The following KCNQ3 variants were observed in gnomAD, a reference collection of about 807,000 sequenced individuals.
KCNQ3 encodes the protein potassium voltage-gated channel subfamily KQT member 3.
In KCNQ3, 30 loss-of-function variants were observed where a neutral mutation model predicts 92.5. The ratio of observed to expected loss-of-function variants is 0.32; its 90% CI spans 0.24 to 0.44. The LOEUF is 0.44. Among genes scored for constraint, KCNQ3 ranks in the 20% least tolerant of loss-of-function variants. The pLI is 1.00. For missense variants in KCNQ3, 913 were observed against 1,140.3 expected, an observed-to-expected ratio of 0.80 and a Z score of 2.87; for synonymous variants, 450 against 468.8, an observed-to-expected ratio of 0.96 and a Z score of 0.52.
intron 1 of KCNQ3, among the ~76,000 whole-genome samples, chr8:132,198,333 C>T (rs1827363830): frequency 6.6e-6 from 1 of 152,174 alleles, no homozygotes; most frequent in Admixed American, 6.5e-5. Flanking sequence ...GATTGGACTC[C>T]TGATCCACAG....
intron 1 of KCNQ3, among the ~76,000 whole-genome samples, chr8:132,338,473 G>A (rs368159700): frequency 3.9e-5 from 6 of 152,182 alleles, no homozygotes; most frequent in African/African-American, 1.4e-4. Flanking sequence ...GAGGGTCACA[G>A]GATAAGTAAT....
In KCNQ3 at chr8:132,153,734, GCC is replaced by G. The variant is rs35446698; in HGVS notation, c.1262+9732_1262+9733del. Among the ~76,000 whole-genome samples, 34 of 150,722 alleles carry G rather than the reference GCC, an allele frequency of 2.3e-4. 1 individual carries two copies. The South Asian group carries it at 4.0e-3, about 18-fold the overall frequency. On this transcript the variant is annotated intron_variant, in intron 9 of 14. Coordinates refer to ENST00000388996, the MANE Select transcript of KCNQ3 (RefSeq NM_004519.4). ...AATAGTGGATACTCCTACCCCGCAAGCCCCCCCCCCATTAACATGGGTGAAAG... is the reference window on the plus strand; with the variant it reads ...AATAGTGGATACTCCTACCCCGCAAGCCCCCCCCATTAACATGGGTGAAAG...
At chr8:132,303,631 T>TAC (rs1817309100) in intron 1 of KCNQ3, among the ~76,000 whole-genome samples, 1 of 40,602 alleles carries the variant, frequency 2.5e-5, no homozygotes, top group Non-Finnish European at 3.9e-5. Context: ...TATATATATA[T>TAC]GGTGTATATA....
intron 1 of KCNQ3, among the ~76,000 whole-genome samples, chr8:132,456,439 C>T (rs1469358403): frequency 6.7e-6 from 1 of 148,218 alleles, no homozygotes; most frequent in Non-Finnish European, 1.5e-5. Context: ...ATTAATGTTC[C>T]AAACACCAGG....
intron 1 of KCNQ3, chr8:132,321,591 T>C (rs1817893819): frequency 6.6e-6 from 1 of 152,344 alleles, no homozygotes; most frequent in African/African-American, 2.4e-5. Context: ...GGTCATTTCC[T>C]GGTTGGCTCT....
chr8:132,251,839 G>T (rs1345236638), intron 1 of KCNQ3, among the ~76,000 whole-genome samples: 2 of 152,236 alleles, frequency 1.3e-5, no homozygotes, highest in Non-Finnish European at 2.9e-5. Context: ...CCCTCTCGGA[G>T]AATTTTATTT....
chr8:132,298,919 A>G (rs1482149271), intron 1 of KCNQ3, among the ~76,000 whole-genome samples: 1 of 152,136 alleles, frequency 6.6e-6, no homozygotes, highest in Non-Finnish European at 1.5e-5. Flanking sequence ...AGAAACAAAC[A>G]AAAAGAATTA....
At chr8:132,262,876 C>T (rs1321201928) in intron 1 of KCNQ3, among the ~76,000 whole-genome samples, 1 of 152,180 alleles carries the variant, frequency 6.6e-6, no homozygotes, top group Non-Finnish European at 1.5e-5. Flanking sequence ...TGAGTTCTTA[C>T]TATGTGACAT....
chr8:132,190,466 T>C (rs1827124154), intron 1 of KCNQ3, among the ~76,000 whole-genome samples: 1 of 152,164 alleles, frequency 6.6e-6, no homozygotes, highest in African/African-American at 2.4e-5. Flanking sequence ...CTCCTGCTGG[T>C]CTTGATGTGA....
At chr8:132,212,450 T>G (rs1813890931) in intron 1 of KCNQ3, among the ~76,000 whole-genome samples, 1 of 152,118 alleles carries the variant, frequency 6.6e-6, no homozygotes, top group Non-Finnish European at 1.5e-5. Flanking sequence ...TTAATTTTTC[T>G]CTATTCTTTT....
intron 1 of KCNQ3, among the ~76,000 whole-genome samples, chr8:132,405,873 G>A (rs1325729456): frequency 6.6e-6 from 1 of 152,108 alleles, no homozygotes; most frequent in Non-Finnish European, 1.5e-5. Context: ...GTCCTGAAAT[G>A]AACAGCTCCT....
chr8:132,140,280 TC>T lies in KCNQ3; in HGVS notation c.1466-103del, dbSNP rs1476351329. ...CCTTCCACGCCTCTGGATGTGTCAATCCCCAGAGTCTTTATTTCCACGTTGC... is the reference window on the plus strand; with the variant it reads ...CCTTCCACGCCTCTGGATGTGTCAATCCCAGAGTCTTTATTTCCACGTTGC... On this transcript the variant is annotated intron_variant, in intron 10 of 14. Coordinates refer to ENST00000388996, the MANE Select transcript of KCNQ3 (RefSeq NM_004519.4). 8 of 737,452 alleles carry T rather than the reference TC, an allele frequency of 1.1e-5. No homozygotes were observed. In the East Asian group the frequency reaches 2.1e-4, roughly 20 times the overall value. The allele number at this position is 737,452 out of a possible 1,614,324, so 45.7% of individuals were successfully genotyped here. A position where few individuals can be genotyped will look rare whatever the true frequency, so the allele number is the denominator to read the frequency against.
intron 1 of KCNQ3, among the ~76,000 whole-genome samples, chr8:132,230,433 CAGAGAGAGAGAGAGACAGAGAG>C (rs1426591792): frequency 3.8e-5 from 5 of 131,084 alleles, no homozygotes; most frequent in Non-Finnish European, 6.5e-5. Context: ...CCACCACAGG[CAGAGAGAGAGAGAGACAGAGAG>C]AGAGAGAGAG....
chr8:132,142,509 T>A (rs1825327473), intron 9 of KCNQ3, among the ~76,000 whole-genome samples: 1 of 152,184 alleles, frequency 6.6e-6, no homozygotes, highest in African/African-American at 2.4e-5. Context: ...TTCTCAGCTT[T>A]TGCCCCCTTA....
intron 1 of KCNQ3, among the ~76,000 whole-genome samples, chr8:132,344,387 C>T (rs1010504595): frequency 1.3e-5 from 2 of 152,224 alleles, no homozygotes; most frequent in African/African-American, 4.8e-5. Flanking sequence ...TTTGAGGAAA[C>T]TGCACACCTT....
chr8:132,192,071 C>G (rs1827178096), intron 1 of KCNQ3, among the ~76,000 whole-genome samples: 1 of 152,138 alleles, frequency 6.6e-6, no homozygotes, highest in African/African-American at 2.4e-5. Flanking sequence ...ATATCTAACT[C>G]TCTTTCAGCT....
At chr8:132,324,392 G>A (rs1396107860) in intron 1 of KCNQ3, among the ~76,000 whole-genome samples, 1 of 152,146 alleles carries the variant, frequency 6.6e-6, no homozygotes, top group Non-Finnish European at 1.5e-5. Context: ...CTAAAACTCA[G>A]TAGATATTTG....
intron 1 of KCNQ3, among the ~76,000 whole-genome samples, chr8:132,361,330 T>G (rs1222209866): frequency 6.6e-6 from 1 of 152,152 alleles, no homozygotes; most frequent in Non-Finnish European, 1.5e-5. Context: ...CACTCCAAGG[T>G]TCCCTTAGCA....
chr8:132,391,358 G>A (rs1820042698), intron 1 of KCNQ3, among the ~76,000 whole-genome samples: 1 of 152,130 alleles, frequency 6.6e-6, no homozygotes, highest in Non-Finnish European at 1.5e-5. Flanking sequence ...CTGTAAAATG[G>A]AGAGGATGAC....
Sources: allele counts gnomAD v4.1 joint callset (sites outside exome capture counted in the v4.1 genomes callset), GRCh38; gene constraint gnomAD v4.1.1; transcripts MANE v1.5; gene names NCBI Gene and HGNC (gene_info 2026-07-23, HGNC 2026-07-21).